Variants in BRIP1 observed in about 807,000 individuals in gnomAD.
BRIP1 encodes the protein Fanconi anemia group J protein.
In BRIP1, 88 loss-of-function variants were observed where a neutral mutation model predicts 119.7. The ratio of observed to expected loss-of-function variants is 0.74; its 90% CI spans 0.62 to 0.88. The LOEUF (loss-of-function observed/expected upper bound fraction) is 0.88, where lower values mean the gene tolerates loss of function less well. Among genes scored for constraint, BRIP1 ranks in the 40% least tolerant of loss-of-function variants. The pLI is 0.00. For synonymous variants in BRIP1, 443 were observed against 496.5 expected (o/e 0.89, Z 1.43); for missense variants, 1,259 against 1,455.4 (o/e 0.87, Z 2.20).
Position 61,806,808 on chromosome 17 carries a change from A to C in BRIP1, c.918+1659T>G, listed in dbSNP as rs558277079. 1.5e-4 allele frequency among the ~76,000 whole-genome samples: 23 copies of C among 152,062 alleles called. No individual in the cohort carries two copies. Among genetic ancestry groups the C allele is most frequent in the African/African-American group, 5.3e-4 (22 of 41,506 alleles). ...TGCCTCCTGGGTTCAAGCGATTCTCATGCCTCAGCCTCCCAAGTAGCTGGG... is the reference window on the plus strand; with the variant it reads ...TGCCTCCTGGGTTCAAGCGATTCTCCTGCCTCAGCCTCCCAAGTAGCTGGG... On this transcript the variant is annotated intron_variant, in intron 7 of 19. Coordinates refer to ENST00000259008, the MANE Select transcript of BRIP1 (RefSeq NM_032043.3). This position sits in a 1 kb window ranked among gnomAD's most constrained non-coding sequence, Gnocchi z 4.9.
rs1009617926 is a variant in BRIP1 at position 61,742,881 on chromosome 17, T to C, written c.2379+132A>G. On this transcript the variant is annotated intron_variant, in intron 16 of 19. Transcript: ENST00000259008. The surrounding 1 kb of genome is among the most constrained non-coding windows in gnomAD (Gnocchi z 4.7). ...GCTGAAAGACTTGCACAATGCAGGG[T>C]TACCATAAACCTTCAATTTGTAAAA... 8.7e-7 allele frequency: 1 copy of C among 1,153,786 alleles called. No homozygotes were observed. The highest frequency in any genetic ancestry group is 1.9e-5 in the Admixed American group (1 of 51,428). 71.5% of individuals were successfully genotyped at this position (1,153,786 alleles called of 1,614,324 possible). A position where few individuals can be genotyped will look rare whatever the true frequency, so the allele number is the denominator to read the frequency against.
At chr17:61,716,708 T>A (rs2061869181) in intron 16 of BRIP1, among the ~76,000 whole-genome samples, 1 of 88,948 alleles carries the variant, frequency 1.1e-5, no homozygotes, top group Non-Finnish European at 2.5e-5. Context: ...CCACCTTGCT[T>A]CCCCCCTACC....
In BRIP1 at chr17:61,846,915, C is replaced by T. The variant is rs368905917; in HGVS notation, c.627+186G>A. ...TTCTCTTATTTTATAAATAAGGAAA[C>T]GAGGCATAGAGAGAATAGGCTTTGC... On this transcript the variant is annotated intron_variant, in intron 6 of 19. Coordinates refer to ENST00000259008, the MANE Select transcript of BRIP1 (RefSeq NM_032043.3). This position sits in a 1 kb window ranked among gnomAD's most constrained non-coding sequence, Gnocchi z 4.3. Among the ~76,000 whole-genome samples, 1 of 152,190 alleles carries T rather than the reference C, an allele frequency of 6.6e-6. No homozygotes were observed. Among genetic ancestry groups the T allele is most frequent in the East Asian group, 1.9e-4 (1 of 5,184 alleles).
At position 61,681,561 on chromosome 17, in the gene BRIP1, T is replaced by C. The variant is rs2061271215; in HGVS notation, c.*1735A>G. ...ACTACCCTACTATCCCTATCTGTGG[T>C]TTAAGAATAATACCAGAGGAGATAA... On this transcript the variant is annotated 3_prime_UTR_variant, in exon 20 of 20. Coordinates refer to ENST00000259008, the MANE Select transcript of BRIP1 (RefSeq NM_032043.3). This position sits in a 1 kb window ranked among gnomAD's most constrained non-coding sequence, Gnocchi z 5.1. The C allele has an allele frequency of 4.9e-6, 1 of 205,226 alleles. No individual in the cohort carries two copies. The highest frequency in any genetic ancestry group is 1.0e-5 in the Non-Finnish European group (1 of 100,042). 12.7% of individuals were successfully genotyped at this position (205,226 alleles called of 1,614,324 possible).
In BRIP1 at chr17:61,744,877, A is replaced by ACTACTACTT. The variant is rs1275100500; in HGVS notation, c.2098-295_2098-287dup. 6.6e-6 allele frequency among the ~76,000 whole-genome samples: 1 copy of ACTACTACTT among 151,540 alleles called. No individual in the cohort carries two copies. The highest frequency in any genetic ancestry group is 1.5e-5 in the Non-Finnish European group (1 of 67,938). ...TACTACTGCTACTACTACTATTACTACTACTACTTCTACTATTATCTTGGC... is the reference window on the plus strand; with the variant it reads ...TACTACTGCTACTACTACTATTACTACTACTACTTCTACTACTTCTACTATTATCTTGGC... On this transcript the variant is annotated intron_variant, in intron 14 of 19. Transcript: ENST00000259008. This position sits in a 1 kb window ranked among gnomAD's most constrained non-coding sequence, Gnocchi z 5.0.
rs2145418760 is a variant in BRIP1, at chr17:61,808,641, A to C, written c.744T>G (p.Phe248Leu). 6.2e-7 allele frequency: 1 copy of C among 1,613,990 alleles called. No individual in the cohort carries two copies. Among genetic ancestry groups the C allele is most frequent in the Non-Finnish European group, 8.5e-7 (1 of 1,179,902 alleles). ...TGKSKIPKIY[F>L]GTRTHKQIAQ... is the part of the protein sequence containing the mutation. Reference sequence around the variant, plus strand: ...CAATCTGCTTGTGTGTGCGTGTCCCAAAATATATTTTGGGTATCTTGGATT... The same window carrying C: ...CAATCTGCTTGTGTGTGCGTGTCCCCAAATATATTTTGGGTATCTTGGATT... Residue 248 changes from phenylalanine to leucine, a missense_variant, in exon 7 of 20, where the codon TTT becomes TTG. By Grantham distance (22) the Phe-to-Leu change is conservative (BLOSUM62 0). Transcript: ENST00000259008. The surrounding 1 kb of genome is among the most constrained non-coding windows in gnomAD (Gnocchi z 4.1).
rs72843738 is a variant in BRIP1 at position 61,860,398 on chromosome 17, G to A, written c.94-491C>T. Among the ~76,000 whole-genome samples, 9,804 of 152,138 alleles carry A rather than the reference G, an allele frequency of 0.064. 567 individuals are homozygous for A. Among genetic ancestry groups the A allele is most frequent in the South Asian group, 0.3 (1,429 of 4,814 alleles). ...TAAGAAAGTTCACAGCAGCAGCCAC[G>A]CTTGTAATCCCATCACTTTGGGAGG... On this transcript the variant is annotated intron_variant, in intron 2 of 19. Transcript: ENST00000259008. This position sits in a 1 kb window ranked among gnomAD's most constrained non-coding sequence, Gnocchi z 4.1.
chr17:61,717,747 C>A lies in BRIP1; in HGVS notation c.2380-1684G>T, dbSNP rs1417463229. On this transcript the variant is annotated intron_variant, in intron 16 of 19. Coordinates refer to ENST00000259008, the MANE Select transcript of BRIP1 (RefSeq NM_032043.3). The surrounding 1 kb of genome is among the most constrained non-coding windows in gnomAD (Gnocchi z 4.1). Reference sequence around the variant, plus strand: ...CTTGAAAAATTTTCAGCCATTATTTCTCTAAATATATATATTATTCTGCCT... The same window carrying A: ...CTTGAAAAATTTTCAGCCATTATTTATCTAAATATATATATTATTCTGCCT... Among the ~76,000 whole-genome samples the A allele has an allele frequency of 6.6e-6, 1 of 151,936 alleles. No homozygotes were observed. Among genetic ancestry groups the A allele is most frequent in the Non-Finnish European group, 1.5e-5 (1 of 67,992 alleles).
At position 61,686,177 on chromosome 17, in the gene BRIP1, G is replaced by A. The variant is rs2061362510; in HGVS notation, c.2576-12C>T. ...CCATTTAGAAAGTCCTAAAGAAAAA[G>A]GTAAACCCAGGGAAAATTTGGTTAC... On this transcript the variant is annotated splice_polypyrimidine_tract_variant and intron_variant, in intron 18 of 19. Transcript: ENST00000259008. The surrounding 1 kb of genome is among the most constrained non-coding windows in gnomAD (Gnocchi z 5.4). The A allele has an allele frequency of 6.2e-7, 1 of 1,612,856 alleles. No homozygotes were observed. Among genetic ancestry groups the A allele is most frequent in the Non-Finnish European group, 8.5e-7 (1 of 1,178,984 alleles).
In BRIP1 at chr17:61,804,446, G is replaced by GTGTGTGTGTGTGTA. The variant is rs140581962; in HGVS notation, c.919-2973_919-2972insTACACACACACACA. On this transcript the variant is annotated intron_variant, in intron 7 of 19. Transcript: ENST00000259008. The surrounding 1 kb of genome is among the most constrained non-coding windows in gnomAD (Gnocchi z 4.5). Reference sequence around the variant, plus strand: ...TGTGTGTGTGTGTGTGTGTGTGTGTGTATGTGTGTGTACATACACATACAT... The same window carrying GTGTGTGTGTGTGTA: ...TGTGTGTGTGTGTGTGTGTGTGTGTGTGTGTGTGTGTGTATATGTGTGTGTACATACACATACAT... 2.1e-5 allele frequency among the ~76,000 whole-genome samples: 3 copies of GTGTGTGTGTGTGTA among 140,794 alleles called. No homozygotes were observed. The highest frequency in any genetic ancestry group is 7.7e-5 in the African/African-American group (3 of 39,082). The allele number at this position is 140,794 out of a possible 152,430, so 92.4% of individuals were successfully genotyped here.
rs1555572626 is a variant in BRIP1, at chr17:61,683,640, G to A, written c.3406C>T (p.Leu1136Phe). Residue 1136 changes from leucine to phenylalanine, a missense_variant, in exon 20 of 20, where the codon CTT becomes TTT. By Grantham distance (22) the Leu-to-Phe change is conservative. Around this residue, in one of 3 missense-constraint regions of BRIP1, gnomAD observed 753 missense variants for 891.8 expected, o/e 0.84. Coordinates refer to ENST00000259008, the MANE Select transcript of BRIP1 (RefSeq NM_032043.3). The surrounding 1 kb of genome is among the most constrained non-coding windows in gnomAD (Gnocchi z 4.7). ...EDESIYFTPE[L>F]YDPEDTDEEK... Reference sequence around the variant, plus strand: ...TCATCTGTATCTTCAGGATCATAAAGTTCAGGTGTAAAATAGATAGATTCA... The same window carrying A: ...TCATCTGTATCTTCAGGATCATAAAATTCAGGTGTAAAATAGATAGATTCA... 1.2e-6 allele frequency: 2 copies of A among 1,612,634 alleles called. No individual in the cohort carries two copies. The highest frequency in any genetic ancestry group is 8.5e-7 in the Non-Finnish European group (1 of 1,179,932).
In BRIP1 at chr17:61,751,127, G is replaced by A. The variant is rs574498070; in HGVS notation, c.2098-6536C>T. 2.2e-4 allele frequency among the ~76,000 whole-genome samples: 34 copies of A among 152,130 alleles called. No individual in the cohort carries two copies. Among genetic ancestry groups the A allele is most frequent in the Non-Finnish European group, 3.7e-4 (25 of 68,026 alleles). ...TGAATAAACAAAATGTATGACCTAC[G>A]TGCAATGGAAAATTATTCAACTATA... On this transcript the variant is annotated intron_variant, in intron 14 of 19. Coordinates refer to ENST00000259008, the MANE Select transcript of BRIP1 (RefSeq NM_032043.3). The surrounding 1 kb of genome is among the most constrained non-coding windows in gnomAD (Gnocchi z 6.7).
rs2078504121 is a variant in BRIP1 at position 61,832,249 on chromosome 17, G to T, written c.627+14852C>A. 6.6e-6 allele frequency among the ~76,000 whole-genome samples: 1 copy of T among 152,152 alleles called. No individual in the cohort carries two copies. ...TCAGAAAGACACAAGCAACTTAACT[G>T]GTTTCCCACTTGAGTACCAAAACAA... is the stretch of plus-strand genomic sequence containing the variant. On this transcript the variant is annotated intron_variant, in intron 6 of 19. Transcript: ENST00000259008. The surrounding 1 kb of genome is among the most constrained non-coding windows in gnomAD (Gnocchi z 5.5).
rs1039601205 is a variant in BRIP1, at chr17:61,681,943, A to G, written c.*1353T>C. The G allele has an allele frequency of 1.5e-5, 3 of 199,742 alleles. No individual in the cohort carries two copies. Among genetic ancestry groups the G allele is most frequent in the South Asian group, 1.9e-4 (1 of 5,226 alleles). The allele number at this position is 199,742 out of a possible 1,614,324, so 12.4% of individuals were successfully genotyped here. On this transcript the variant is annotated 3_prime_UTR_variant, in exon 20 of 20. Coordinates refer to ENST00000259008, the MANE Select transcript of BRIP1 (RefSeq NM_032043.3). This position sits in a 1 kb window ranked among gnomAD's most constrained non-coding sequence, Gnocchi z 5.1. ...GGATAGCTCATAAAATTTCAATTCAAATTACTCACAAAAAGTCCCAATGCC... is the reference window on the plus strand; with the variant it reads ...GGATAGCTCATAAAATTTCAATTCAGATTACTCACAAAAAGTCCCAATGCC...
rs2077285920 is a variant in BRIP1 at position 61,762,130 on chromosome 17, G to A, written c.2097+14271C>T. Among the ~76,000 whole-genome samples the A allele has an allele frequency of 6.6e-6, 1 of 151,816 alleles. No individual in the cohort carries two copies. The highest frequency in any genetic ancestry group is 2.1e-4 in the South Asian group (1 of 4,816). ...TGTGCTCAACTGATTTTCAACAAAG[G>A]TGCCAAGTATACACAATGGGAAAAA... is the stretch of plus-strand genomic sequence containing the variant. On this transcript the variant is annotated intron_variant, in intron 14 of 19. Transcript: ENST00000259008. The surrounding 1 kb of genome is among the most constrained non-coding windows in gnomAD (Gnocchi z 4.3).
In BRIP1 at chr17:61,725,558, GT is replaced by G. The variant is rs2076755394; in HGVS notation, c.2380-9496del. ...TATAACCAGTTTTTCCTATTAAAAA[GT>G]TAATACTCTAAGACATGCAAGAAAT... On this transcript the variant is annotated intron_variant, in intron 16 of 19. Coordinates refer to ENST00000259008, the MANE Select transcript of BRIP1 (RefSeq NM_032043.3). The surrounding 1 kb of genome is among the most constrained non-coding windows in gnomAD (Gnocchi z 5.3). Among the ~76,000 whole-genome samples, 1 of 152,072 alleles carries G rather than the reference GT, an allele frequency of 6.6e-6. No individual in the cohort carries two copies. The highest frequency in any genetic ancestry group is 2.1e-4 in the South Asian group (1 of 4,824).
At position 61,751,358 on chromosome 17, in the gene BRIP1, C is replaced by T. The variant is rs1191399140; in HGVS notation, c.2098-6767G>A. The stretch of plus-strand genomic sequence containing the variant: ...GGCTAAACAGGAGTCATTGTTCCAT[C>T]AGTACAGTTTCTGACTGGGATGATT... On this transcript the variant is annotated intron_variant, in intron 14 of 19. Transcript: ENST00000259008. The surrounding 1 kb of genome is among the most constrained non-coding windows in gnomAD (Gnocchi z 6.7). Among the ~76,000 whole-genome samples the T allele has an allele frequency of 6.6e-6, 1 of 152,154 alleles. No homozygotes were observed. The highest frequency in any genetic ancestry group is 1.5e-5 in the Non-Finnish European group (1 of 68,024).
Position 61,810,881 on chromosome 17 carries a change from C to A in BRIP1, c.628-2124G>T, listed in dbSNP as rs1301329979. On this transcript the variant is annotated intron_variant, in intron 6 of 19. Transcript: ENST00000259008. This position sits in a 1 kb window ranked among gnomAD's most constrained non-coding sequence, Gnocchi z 4.7. ...AAAGGGATGCTATTATACAGTTTTACAACTAGATACTTTGTTTTCAAAGTT... is the reference window on the plus strand; with the variant it reads ...AAAGGGATGCTATTATACAGTTTTAAAACTAGATACTTTGTTTTCAAAGTT... Among the ~76,000 whole-genome samples the A allele has an allele frequency of 6.6e-6, 1 of 151,986 alleles. No homozygotes were observed. Among genetic ancestry groups the A allele is most frequent in the Non-Finnish European group, 1.5e-5 (1 of 67,992 alleles).
intron 14 of BRIP1, among the ~76,000 whole-genome samples, chr17:61,747,056 A>G (rs2077067310): frequency 6.6e-6 from 1 of 152,172 alleles, no homozygotes; most frequent in African/African-American, 2.4e-5. Flanking sequence ...CAAAAATATG[A>G]AAATTAACAC....
Sources: allele counts gnomAD v4.1 joint callset (sites outside exome capture counted in the v4.1 genomes callset), GRCh38; gene constraint gnomAD v4.1.1; regional missense constraint gnomAD v4.1.1; non-coding constraint Gnocchi (gnomAD v3.1); transcripts MANE v1.5; gene names NCBI Gene and HGNC (gene_info 2026-07-23, HGNC 2026-07-21).